PCSK5: variants seen among roughly 807,000 people sequenced by gnomAD.
PCSK5 encodes proprotein convertase subtilisin/kexin type 5.
PCSK5 carries 129 observed loss-of-function variants against 233.2 expected under a neutral mutation model. That is an observed-to-expected ratio of 0.55 (90% CI 0.48 to 0.64). The LOEUF (loss-of-function observed/expected upper bound fraction) is 0.64, where lower values mean the gene tolerates loss of function less well. PCSK5 is among the 30% of genes least tolerant of loss of function. The pLI, the probability that PCSK5 is intolerant of heterozygous loss-of-function variation, is 0.00. For missense variants in PCSK5, 2,076 were observed against 2,430.1 expected, an observed-to-expected ratio of 0.85 and a Z score of 3.06; for synonymous variants, 825 against 879.2, an observed-to-expected ratio of 0.94 and a Z score of 1.09.
intron 1 of PCSK5, among the ~76,000 whole-genome samples, chr9:75,894,353 T>A: frequency 6.6e-6 from 1 of 152,230 alleles, no homozygotes; most frequent in South Asian, 2.1e-4. Context: ...CCAGGGCATT[T>A]CTATGGAAAA....
chr9:76,008,468 CTT>C (rs1330680894), intron 3 of PCSK5, among the ~76,000 whole-genome samples: 1 of 143,336 alleles, frequency 7.0e-6, no homozygotes. Flanking sequence ...TTCTTTTTGC[CTT>C]TTTTTTTTTG....
intron 20 of PCSK5, among the ~76,000 whole-genome samples, chr9:76,218,569 C>T (rs141804421): frequency 6.7e-6 from 1 of 149,564 alleles, no homozygotes; most frequent in Non-Finnish European, 1.5e-5. Context: ...AATGAGATAA[C>T]ACAATTAAAG....
intron 7 of PCSK5, among the ~76,000 whole-genome samples, chr9:76,080,123 C>T (rs768986415): frequency 6.6e-6 from 1 of 152,070 alleles, no homozygotes; most frequent in Non-Finnish European, 1.5e-5. Context: ...AGCCGTTGTC[C>T]CACCTTGCCA....
At chr9:75,933,440 A>G (rs138058405) in intron 2 of PCSK5, among the ~76,000 whole-genome samples, 5 of 152,304 alleles carry the variant, frequency 3.3e-5, no homozygotes, top group Non-Finnish European at 7.4e-5. Context: ...TCATTTTCAA[A>G]GAAATTGATA....
intron 2 of PCSK5, among the ~76,000 whole-genome samples, chr9:75,977,303 G>A (rs954864533): frequency 1.3e-5 from 2 of 151,722 alleles, no homozygotes; most frequent in Admixed American, 6.6e-5. Context: ...CATCCATGTC[G>A]GCTCACTGCA....
chr9:76,101,017 T>G (rs1028166687), intron 8 of PCSK5, among the ~76,000 whole-genome samples: 2 of 152,160 alleles, frequency 1.3e-5, no homozygotes, highest in Non-Finnish European at 2.9e-5. Context: ...TCACCTTTTC[T>G]AAAATAGAGG....
intron 24 of PCSK5, among the ~76,000 whole-genome samples, chr9:76,254,906 C>T (rs755583348): frequency 1.6e-4 from 25 of 152,156 alleles, no homozygotes; most frequent in Non-Finnish European, 3.4e-4. Flanking sequence ...TAGGATCCTG[C>T]GGAGCTGTAA....
At chr9:76,089,555 T>C (rs1176395926) in intron 7 of PCSK5, among the ~76,000 whole-genome samples, 2 of 152,222 alleles carry the variant, frequency 1.3e-5, no homozygotes, top group Admixed American at 1.3e-4. Flanking sequence ...TAACTAACAA[T>C]ATGTGAAAGC....
intron 7 of PCSK5, among the ~76,000 whole-genome samples, chr9:76,085,003 C>A (rs1452910079): frequency 6.6e-6 from 1 of 152,120 alleles, no homozygotes; most frequent in Non-Finnish European, 1.5e-5. Context: ...TGGGCATGAG[C>A]CTCACAGGAA....
At chr9:76,353,714 G>T (rs1248247491) in intron 36 of PCSK5, among the ~76,000 whole-genome samples, 1 of 152,188 alleles carries the variant, frequency 6.6e-6, no homozygotes, top group Non-Finnish European at 1.5e-5. Flanking sequence ...AACAGTGTGG[G>T]CCAGACAAAA....
chr9:76,040,325 G>GTCTCTCTCTCTCTCTC (rs757550088), intron 5 of PCSK5, among the ~76,000 whole-genome samples: 5 of 79,046 alleles, frequency 6.3e-5, no homozygotes, highest in Non-Finnish European at 1.3e-4. Flanking sequence ...TGTGTTCTCT[G>GTCTCTCTCTCTCTCTC]TCTCTCTCTC....
chr9:75,938,656 C>T lies in PCSK5; in HGVS notation c.297+6173C>T, dbSNP rs553694240. On this transcript the variant is annotated intron_variant, in intron 2 of 37. Transcript: ENST00000674117. ...GAAGTGCAATAAAACAAGGTATGCC[C>T]GTATTTTCCCTTCTCCAATTAATAA... Among the ~76,000 whole-genome samples the T allele has an allele frequency of 1.2e-4, 18 of 152,266 alleles. No homozygotes were observed. The South Asian group carries it at 2.9e-3, about 25-fold the overall frequency.
At chr9:75,995,158 A>G (rs780424249) in intron 3 of PCSK5, among the ~76,000 whole-genome samples, 3 of 152,070 alleles carry the variant, frequency 2.0e-5, no homozygotes, top group African/African-American at 4.8e-5. Flanking sequence ...CCCCCACTCC[A>G]TTTGCTATAT....
chr9:76,071,642 C>G (rs1241232414), intron 6 of PCSK5, 84 bp from the exon 7 acceptor site: 1 of 1,121,330 alleles, frequency 8.9e-7, no homozygotes, highest in African/African-American at 1.6e-5. Context: ...ATGTATTCTT[C>G]CCCCCGAGAA....
At chr9:75,949,813 C>T (rs374923525) in intron 2 of PCSK5, among the ~76,000 whole-genome samples, 5 of 152,126 alleles carry the variant, frequency 3.3e-5, no homozygotes, top group South Asian at 2.1e-4. Context: ...CATGAGCCAC[C>T]GCGCCTGGCC....
In PCSK5 at chr9:76,007,131, A is replaced by G. The variant is rs779935755; in HGVS notation, c.412-16607A>G. Among the ~76,000 whole-genome samples, 24 of 152,282 alleles carry G rather than the reference A, an allele frequency of 1.6e-4. No homozygotes were observed. The South Asian group carries it at 1.7e-3, about 11-fold the overall frequency. ...CTTGTAATTAGTTTTTATTTCTAAT[A>G]TAATTTAGCGTTCAGTTTATTTCCA... On this transcript the variant is annotated intron_variant, in intron 3 of 37. Coordinates refer to ENST00000674117, the MANE Select transcript of PCSK5 (RefSeq NM_001372043.1).
intron 5 of PCSK5, among the ~76,000 whole-genome samples, chr9:76,037,192 C>A (rs1457849542): frequency 6.6e-6 from 1 of 152,074 alleles, no homozygotes; most frequent in African/African-American, 2.4e-5. Context: ...CTTGCAGAGA[C>A]TCCAAAGCAG....
chr9:76,162,218 C>G (rs746467144), intron 12 of PCSK5, among the ~76,000 whole-genome samples: 3 of 152,218 alleles, frequency 2.0e-5, no homozygotes, highest in Non-Finnish European at 2.9e-5. Context: ...CTGGCTCCCC[C>G]GTTCCTGCTG....
intron 5 of PCSK5, among the ~76,000 whole-genome samples, chr9:76,043,243 G>A (rs1241761547): frequency 1.3e-5 from 2 of 150,214 alleles, no homozygotes; most frequent in Non-Finnish European, 1.5e-5. Context: ...GGCTGAGGCA[G>A]GAGAATGGCG....
Sources: gnomAD v4.1 joint callset for allele counts (sites outside exome capture counted in the v4.1 genomes callset) on GRCh38, gnomAD v4.1.1 for gene constraint, MANE v1.5 for transcripts, NCBI Gene and HGNC (gene_info 2026-07-23, HGNC 2026-07-21) for gene names.